Variants in CLEC16A observed in about 807,000 individuals in gnomAD.
CLEC16A encodes the protein protein CLEC16A.
A neutral mutation model predicts 109.5 loss-of-function variants in CLEC16A; 51 were observed. The ratio of observed to expected loss-of-function variants is 0.47; its 90% CI spans 0.37 to 0.59. CLEC16A has a LOEUF of 0.59. CLEC16A is among the 20% of genes least tolerant of loss of function. CLEC16A has a pLI of 0.00. For synonymous variants in CLEC16A, 673 were observed against 564.2 expected (o/e 1.19, Z -2.73); for missense variants, 1,339 against 1,394.0 (o/e 0.96, Z 0.63).
In CLEC16A at chr16:11,178,594, C is replaced by T. The variant is rs201910094; in HGVS notation, c.3066C>T (p.Thr1022=). The T allele has an allele frequency of 1.2e-5, 19 of 1,608,592 alleles. No homozygotes were observed. The highest frequency in any genetic ancestry group is 4.5e-5 in the East Asian group (2 of 44,862). The change falls in exon 24 of 24, where the codon ACC becomes ACT. Residue 1022 remains threonine (T), a synonymous_variant. Transcript: ENST00000409790. This position sits in a 1 kb window ranked among gnomAD's most constrained non-coding sequence, Gnocchi z 6.5. ...ACCCCCACAGCCTCCGCAGCCTCAC[C>T]GGCATGCCCCCGCTGTCCACGCCGG... is the stretch of plus-strand genomic sequence containing the variant. ...PVDPHSLRSL[T]GMPPLSTPAA...
chr16:11,025,739 A>G (rs1159437195), intron 13 of CLEC16A, among the ~76,000 whole-genome samples: 1 of 115,390 alleles, frequency 8.7e-6, no homozygotes, highest in East Asian at 2.2e-4. Flanking sequence ...TAGAACATAC[A>G]TGATATAACT....
chr16:11,158,318 C>G (rs976828033), intron 22 of CLEC16A, among the ~76,000 whole-genome samples: 3 of 152,170 alleles, frequency 2.0e-5, no homozygotes, highest in African/African-American at 7.2e-5. Flanking sequence ...GCCTCATGGT[C>G]CTCATTCACG....
At chr16:10,971,331 G>A (rs2042777264) in intron 5 of CLEC16A, 101 bp downstream of exon 5, 1 of 912,632 alleles carries the variant, frequency 1.1e-6, no homozygotes, top group Non-Finnish European at 1.7e-6. Flanking sequence ...TCACGAGGGA[G>A]CACATTGATG....
At chr16:10,972,235 G>A (rs1031708508) in intron 5 of CLEC16A, among the ~76,000 whole-genome samples, 15 of 152,180 alleles carry the variant, frequency 9.9e-5, no homozygotes, top group African/African-American at 3.4e-4. Context: ...TCCTGCAGTT[G>A]GGGGGGTCAG....
chr16:11,047,272 C>G lies in CLEC16A; in HGVS notation c.1816-20C>G. ...AAAAATATGAATAATCTCCTCTTCC[C>G]TCCCTTCCTTTCTTTTTAGGGAGAA... On this transcript the variant is annotated intron_variant, in intron 16 of 23. Transcript: ENST00000409790. The G allele has an allele frequency of 1.2e-6, 2 of 1,601,488 alleles. No individual in the cohort carries two copies. The highest frequency in any genetic ancestry group is 1.1e-5 in the South Asian group (1 of 89,458).
Position 11,163,726 on chromosome 16 carries a change from C to T in CLEC16A, c.2642-2662C>T, listed in dbSNP as rs956763395. ...AAAAGACGTGTCTTCTTCAAATGGG[C>T]CTGTGACCACCTTGGCAACGGCTAT... On this transcript the variant is annotated intron_variant, in intron 22 of 23. Transcript: ENST00000409790. Among the ~76,000 whole-genome samples the T allele has an allele frequency of 2.6e-5, 4 of 152,254 alleles. No homozygotes were observed. In the East Asian group the frequency reaches 5.8e-4, roughly 22 times the overall value.
chr16:10,967,209 T>C (rs116242404), intron 3 of CLEC16A, among the ~76,000 whole-genome samples: 1 of 152,162 alleles, frequency 6.6e-6, no homozygotes, highest in African/African-American at 2.4e-5. Context: ...AGGCCCACAC[T>C]GTGGCTTCCA....
chr16:10,972,691 A>G, intron 6 of CLEC16A, 132 bp downstream of exon 6: 1 of 887,838 alleles, frequency 1.1e-6, no homozygotes, highest in Non-Finnish European at 1.8e-6. Flanking sequence ...CCCATGCACC[A>G]TTAATGTTTA....
intron 9 of CLEC16A, among the ~76,000 whole-genome samples, chr16:10,981,473 C>T (rs2043317998): frequency 6.6e-6 from 1 of 152,188 alleles, no homozygotes; most frequent in African/African-American, 2.4e-5. Flanking sequence ...GGAGGTGCCA[C>T]ATGGCCATTC....
At chr16:11,031,976 A>G (rs985979302) in intron 13 of CLEC16A, among the ~76,000 whole-genome samples, 2 of 152,222 alleles carry the variant, frequency 1.3e-5, no homozygotes, top group African/African-American at 4.8e-5. Context: ...GGGGACTACA[A>G]ACTCCAGGCA....
At chr16:10,976,913 T>A (rs747394835) in intron 7 of CLEC16A, among the ~76,000 whole-genome samples, 10 of 152,246 alleles carry the variant, frequency 6.6e-5, no homozygotes, top group Non-Finnish European at 1.5e-4. Context: ...GTGCTGCTTA[T>A]CTGGGGAGCC....
At chr16:11,055,612 G>A (rs1239010737) in intron 18 of CLEC16A, among the ~76,000 whole-genome samples, 1 of 56,386 alleles carries the variant, frequency 1.8e-5, no homozygotes, top group African/African-American at 1.4e-4. Context: ...TTTTTGAGAC[G>A]AGTCTCAGTC....
intron 13 of CLEC16A, among the ~76,000 whole-genome samples, chr16:11,033,418 G>A (rs947899058): frequency 2.0e-5 from 3 of 152,290 alleles, no homozygotes; most frequent in African/African-American, 7.2e-5. Flanking sequence ...GAGAAGAAAC[G>A]GAAAAGTTCA....
intron 7 of CLEC16A, among the ~76,000 whole-genome samples, chr16:10,975,929 GACATGAGCC>G (rs936768840): frequency 6.6e-6 from 1 of 152,082 alleles, no homozygotes; most frequent in Admixed American, 6.5e-5. Flanking sequence ...TGGGATTACA[GACATGAGCC>G]ACTGCACCCA....
At chr16:11,064,466 C>T (rs911201470) in intron 19 of CLEC16A, among the ~76,000 whole-genome samples, 8 of 152,234 alleles carry the variant, frequency 5.3e-5, no homozygotes, top group Admixed American at 5.2e-4. Flanking sequence ...CTGTGAGGCT[C>T]AGTAGCCTTA....
intron 12 of CLEC16A, among the ~76,000 whole-genome samples, chr16:11,020,654 C>T (rs893003758): frequency 2.0e-5 from 3 of 152,234 alleles, no homozygotes; most frequent in African/African-American, 7.2e-5. Flanking sequence ...TCTGCTGCTC[C>T]AAGGAAGGAT....
intron 21 of CLEC16A, among the ~76,000 whole-genome samples, 175 bp from the exon 22 acceptor site, chr16:11,125,804 G>T (rs1250561226): frequency 6.6e-6 from 1 of 152,166 alleles, no homozygotes; most frequent in African/African-American, 2.4e-5. Flanking sequence ...GCCTCAGTGG[G>T]AACTTTGATG....
At chr16:10,960,960 TCCTACAATCAC>T in intron 2 of CLEC16A, among the ~76,000 whole-genome samples, 1 of 152,194 alleles carries the variant, frequency 6.6e-6, no homozygotes, top group Admixed American at 6.5e-5. Context: ...AATGCTCCAG[TCCTACAATCAC>T]CCTTTTTTCC....
intron 17 of CLEC16A, chr16:11,048,235 T>A (rs988401849): frequency 6.6e-6 from 1 of 152,334 alleles, no homozygotes; most frequent in Admixed American, 6.5e-5. Context: ...CCTCCCTGTT[T>A]GCTGCTCCAC....
Sources: allele counts gnomAD v4.1 joint callset (sites outside exome capture counted in the v4.1 genomes callset), GRCh38; gene constraint gnomAD v4.1.1; non-coding constraint Gnocchi (gnomAD v3.1); transcripts MANE v1.5; gene names NCBI Gene and HGNC (gene_info 2026-07-23, HGNC 2026-07-21).